The following ERBB4 variants were observed in gnomAD, a reference collection of about 807,000 sequenced individuals.
ERBB4 encodes the protein erb-b2 receptor tyrosine kinase 4, also known as receptor tyrosine-protein kinase erbB-4.
A neutral mutation model predicts 158.0 loss-of-function variants in ERBB4; 42 were observed. That is an observed-to-expected ratio of 0.27 (90% CI 0.21 to 0.34). The LOEUF is 0.34. Ranked by LOEUF, ERBB4 falls within the 10% of genes least tolerant of loss-of-function variation. ERBB4 has a pLI of 1.00. For missense variants in ERBB4, 1,333 were observed against 1,624.1 expected (o/e 0.82, Z 3.08); for synonymous variants, 583 against 558.7 (o/e 1.04, Z -0.61).
chr2:211,840,483 A>G lies in ERBB4; in HGVS notation c.422-52324T>C, dbSNP rs113496222. 1.9e-3 allele frequency among the ~76,000 whole-genome samples: 284 copies of G among 152,220 alleles called. 2 individuals carry two copies. The highest frequency in any genetic ancestry group is 6.6e-3 in the African/African-American group (273 of 41,562). On this transcript the variant is annotated intron_variant, in intron 3 of 27. Transcript: ENST00000342788. ...CATATCACAACTTGCTGCAGTTTCC[A>G]TGGATGGGCCTGCTTAAGGAGTTGA...
chr2:212,365,618 A>G (rs531730797), intron 1 of ERBB4, among the ~76,000 whole-genome samples: 1 of 151,978 alleles, frequency 6.6e-6, no homozygotes, highest in East Asian at 1.9e-4. Context: ...TATGAGGTAT[A>G]AAAAAAGAAG....
At chr2:211,434,668 G>GTGAT (rs1288657790) in intron 20 of ERBB4, among the ~76,000 whole-genome samples, 1 of 152,186 alleles carries the variant, frequency 6.6e-6, no homozygotes, top group African/African-American at 2.4e-5. Context: ...GCCTCAGCAA[G>GTGAT]TGATAGACTA....
chr2:212,030,812 G>A (rs1342177747), intron 2 of ERBB4, among the ~76,000 whole-genome samples: 1 of 152,114 alleles, frequency 6.6e-6, no homozygotes, highest in Non-Finnish European at 1.5e-5. Flanking sequence ...ATTGTAAGCA[G>A]AGAAAGTTCC....
chr2:211,411,900 T>G (rs1208190120), intron 25 of ERBB4, among the ~76,000 whole-genome samples: 1 of 152,168 alleles, frequency 6.6e-6, no homozygotes, highest in Non-Finnish European at 1.5e-5. Context: ...TTAATTAATA[T>G]TGTATTTCAC....
At chr2:211,796,245 C>A (rs1321780390) in intron 3 of ERBB4, among the ~76,000 whole-genome samples, 1 of 151,882 alleles carries the variant, frequency 6.6e-6, no homozygotes, top group African/African-American at 2.4e-5. Flanking sequence ...TATATAGAAT[C>A]ATACCATACG....
chr2:212,490,028 A>G (rs1203405582), intron 1 of ERBB4, among the ~76,000 whole-genome samples: 1 of 151,758 alleles, frequency 6.6e-6, no homozygotes, highest in East Asian at 1.9e-4. Flanking sequence ...CAAACCCATT[A>G]TACTGTTTCT....
At chr2:212,120,414 A>G (rs1472275947) in intron 2 of ERBB4, among the ~76,000 whole-genome samples, 1 of 152,222 alleles carries the variant, frequency 6.6e-6, no homozygotes, top group Non-Finnish European at 1.5e-5. Flanking sequence ...TAGTTCATAT[A>G]TGAAATTGGG....
chr2:211,544,545 A>G (rs1336555694), intron 20 of ERBB4, among the ~76,000 whole-genome samples: 2 of 152,042 alleles, frequency 1.3e-5, no homozygotes, highest in Admixed American at 6.6e-5. Context: ...GAACACACTT[A>G]GGACCTCTTT....
intron 1 of ERBB4, among the ~76,000 whole-genome samples, chr2:212,424,582 T>C (rs972075998): frequency 1.3e-5 from 2 of 152,172 alleles, no homozygotes; most frequent in African/African-American, 4.8e-5. Context: ...ATAGTATATA[T>C]ACTAAAACTT....
At chr2:212,488,698 G>T (rs1332955336) in intron 1 of ERBB4, among the ~76,000 whole-genome samples, 1 of 151,680 alleles carries the variant, frequency 6.6e-6, no homozygotes, top group Non-Finnish European at 1.5e-5. Context: ...AATCAAAGGA[G>T]GCAAGGCCAA....
chr2:211,737,792 G>A (rs2074651209), intron 5 of ERBB4, among the ~76,000 whole-genome samples: 2 of 152,102 alleles, frequency 1.3e-5, no homozygotes, highest in South Asian at 2.1e-4. Flanking sequence ...ATGAATGGTA[G>A]TTATTATCTC....
At chr2:211,679,247 C>G (rs2072237797) in intron 12 of ERBB4, 63 bp from the exon 13 acceptor site, 2 of 1,565,740 alleles carry the variant, frequency 1.3e-6, no homozygotes, top group Admixed American at 3.4e-5. Context: ...TAAAATCTTC[C>G]TAGGTAATGC....
At chr2:211,938,445 T>C (rs888544137) in intron 3 of ERBB4, among the ~76,000 whole-genome samples, 12 of 152,148 alleles carry the variant, frequency 7.9e-5, no homozygotes, top group Admixed American at 7.2e-4. Context: ...AGTGCTGCAC[T>C]GTCCAATATG....
chr2:212,428,760 G>C (rs1280175167), intron 1 of ERBB4, among the ~76,000 whole-genome samples: 2 of 152,120 alleles, frequency 1.3e-5, no homozygotes, highest in Non-Finnish European at 2.9e-5. Context: ...AAGGTAGATG[G>C]TTTTGGGTTG....
At chr2:212,363,047 A>G (rs1204059068) in intron 1 of ERBB4, among the ~76,000 whole-genome samples, 1 of 151,402 alleles carries the variant, frequency 6.6e-6, no homozygotes, top group Admixed American at 6.6e-5. Flanking sequence ...GCAGAGATTA[A>G]ATTTAGCAGT....
At chr2:212,050,103 A>T (rs2077361314) in intron 2 of ERBB4, among the ~76,000 whole-genome samples, 1 of 152,146 alleles carries the variant, frequency 6.6e-6, no homozygotes, top group African/African-American at 2.4e-5. Context: ...GAAGCATCAA[A>T]TTTCAAGTAT....
chr2:212,034,385 T>G (rs2076968204), intron 2 of ERBB4, among the ~76,000 whole-genome samples: 1 of 152,006 alleles, frequency 6.6e-6, no homozygotes, highest in Non-Finnish European at 1.5e-5. Flanking sequence ...TAGCTGACAT[T>G]TTGTTAGTTT....
intron 1 of ERBB4, among the ~76,000 whole-genome samples, chr2:212,454,162 A>G (rs1688154020): frequency 6.6e-6 from 1 of 152,074 alleles, no homozygotes; most frequent in Admixed American, 6.5e-5. Context: ...GCTGGTCTCA[A>G]ACTCCTGACC....
chr2:211,841,674 A>T (rs1179090369), intron 3 of ERBB4, among the ~76,000 whole-genome samples: 2 of 151,966 alleles, frequency 1.3e-5, no homozygotes, highest in African/African-American at 4.8e-5. Context: ...ATTAAGGAAC[A>T]ATTAGAATAT....
Sources: gnomAD v4.1 joint callset for allele counts (sites outside exome capture counted in the v4.1 genomes callset) on GRCh38, gnomAD v4.1.1 for gene constraint, MANE v1.5 for transcripts, NCBI Gene and HGNC (gene_info 2026-07-23, HGNC 2026-07-21) for gene names.